Variants in MRPS27 observed in about 807,000 individuals in gnomAD.
The protein encoded by MRPS27 is small ribosomal subunit protein mS27.
MRPS27 carries 43 observed loss-of-function variants against 48.9 expected under a neutral mutation model. That is an observed-to-expected ratio of 0.88 (90% confidence interval 0.69 to 1.13). The LOEUF (loss-of-function observed/expected upper bound fraction) is 1.13, where lower values mean the gene tolerates loss of function less well. MRPS27 is among the 50% of genes most tolerant of loss of function. The pLI is 0.00. For synonymous variants in MRPS27, 188 were observed against 171.9 expected (o/e 1.09, Z -0.73); for missense variants, 467 against 476.3 (o/e 0.98, Z 0.18).
intron 9 of MRPS27, 99 bp downstream of exon 9, chr5:72,225,958 G>C: frequency 1.4e-6 from 2 of 1,387,866 alleles, no homozygotes; most frequent in Non-Finnish European, 9.7e-7. Flanking sequence ...TAGACATATA[G>C]AAAGTAGGGG....
At chr5:72,306,254 C>T (rs2112079074) in intron 2 of MRPS27, among the ~76,000 whole-genome samples, 1 of 152,270 alleles carries the variant, frequency 6.6e-6, no homozygotes, top group East Asian at 1.9e-4. Context: ...AAAATTTAAA[C>T]AGCAATAGTA....
chr5:72,275,913 C>G (rs1749361960), intron 4 of MRPS27, among the ~76,000 whole-genome samples: 1 of 151,540 alleles, frequency 6.6e-6, no homozygotes, highest in Non-Finnish European at 1.5e-5. Flanking sequence ...AGTCCTCTTT[C>G]CAAATAAGGA....
At chr5:72,273,387 C>T (rs981113473) in intron 4 of MRPS27, among the ~76,000 whole-genome samples, 1 of 152,188 alleles carries the variant, frequency 6.6e-6, no homozygotes. Flanking sequence ...CTATAAAGTA[C>T]AGTCATCCAT....
intron 3 of MRPS27, among the ~76,000 whole-genome samples, chr5:72,296,023 C>T (rs556791904): frequency 1.3e-5 from 2 of 152,204 alleles, no homozygotes; most frequent in South Asian, 4.1e-4. Context: ...ACATAAACAT[C>T]TAAATTTAGA....
rs893334675 is a variant in MRPS27 at position 72,306,900 on chromosome 5, A to T, written c.151+7181T>A. On this transcript the variant is annotated intron_variant, in intron 2 of 10. Transcript: ENST00000261413. ...AATTGATAATTGCTGGAGCTGGGTG[A>T]CAGTACACAGGGGTTTATTCTACTC... 9.2e-5 allele frequency among the ~76,000 whole-genome samples: 14 copies of T among 152,320 alleles called. No individual in the cohort carries two copies. The East Asian group carries it at 1.7e-3, about 19-fold the overall frequency.
At chr5:72,291,848 G>A (rs949492095) in intron 4 of MRPS27, among the ~76,000 whole-genome samples, 14 of 152,144 alleles carry the variant, frequency 9.2e-5, no homozygotes, top group African/African-American at 2.2e-4. Context: ...CCCAAGCCAC[G>A]CCCTAGAGGG....
At position 72,226,137 on chromosome 5, in the gene MRPS27, G is replaced by C; in HGVS notation, c.757C>G (p.Pro253Ala). ...VYHNMPLIWK[P>A]GYLDRALQVM... The stretch of plus-strand genomic sequence containing the variant: ...TGAAGGGCTCTGTCAAGGTAGCCTG[G>C]TTTCCATATCAGAGGCATGTTGTGG... The change falls in exon 9 of 11, where the codon CCA (proline) becomes GCA (alanine). Residue 253 changes from proline to alanine, a missense_variant. Pro to Ala is a conservative substitution (Grantham distance 27, BLOSUM62 -1). Coordinates refer to ENST00000261413, the MANE Select transcript of MRPS27 (RefSeq NM_015084.3). 1.9e-6 allele frequency: 3 copies of C among 1,613,822 alleles called. No homozygotes were observed. The highest frequency in any genetic ancestry group is 2.5e-6 in the Non-Finnish European group (3 of 1,179,830).
At chr5:72,286,562 A>T (rs1278279795) in intron 4 of MRPS27, among the ~76,000 whole-genome samples, 2 of 147,544 alleles carry the variant, frequency 1.4e-5, no homozygotes, top group African/African-American at 4.9e-5. Context: ...TCTTTACCTT[A>T]TAACATACAC....
At chr5:72,302,085 A>G (rs2112072787) in intron 2 of MRPS27, among the ~76,000 whole-genome samples, 1 of 152,362 alleles carries the variant, frequency 6.6e-6, no homozygotes, top group Non-Finnish European at 1.5e-5. Flanking sequence ...ATGGATCTGA[A>G]ATTTGAATTC....
intron 4 of MRPS27, among the ~76,000 whole-genome samples, chr5:72,282,066 C>A (rs543542810): frequency 1.4e-3 from 207 of 152,258 alleles, no homozygotes; most frequent in African/African-American, 4.6e-3. Context: ...GAATAGACCT[C>A]AAAATGTAAA....
chr5:72,237,579 A>C (rs141501565), intron 5 of MRPS27, among the ~76,000 whole-genome samples: 1 of 152,246 alleles, frequency 6.6e-6, no homozygotes, highest in African/African-American at 2.4e-5. Flanking sequence ...GTAAGACTCA[A>C]CTCTTGGGTG....
chr5:72,289,697 A>C (rs1451390505), intron 4 of MRPS27, among the ~76,000 whole-genome samples: 1 of 152,154 alleles, frequency 6.6e-6, no homozygotes, highest in Non-Finnish European at 1.5e-5. Context: ...TACAGGCATG[A>C]GCCGCTGTGC....
chr5:72,219,881 A>G lies in MRPS27; in HGVS notation c.*1028T>C, dbSNP rs1218391800. On this transcript the variant is annotated 3_prime_UTR_variant, in exon 11 of 11. Transcript: ENST00000261413. ...TGTTTTGGGAAAAAAAAAATTGGAAAAAAAATGTTACCCCAACACGATGGA... is the reference window on the plus strand; with the variant it reads ...TGTTTTGGGAAAAAAAAAATTGGAAGAAAAATGTTACCCCAACACGATGGA... 6.6e-6 allele frequency: 1 copy of G among 152,608 alleles called. No individual in the cohort carries two copies. The highest frequency in any genetic ancestry group is 1.5e-5 in the Non-Finnish European group (1 of 68,036). The allele number at this position is 152,608 out of a possible 1,614,324, so 9.5% of individuals were successfully genotyped here. A position where few individuals can be genotyped will look rare whatever the true frequency, so the allele number is the denominator to read the frequency against.
Position 72,238,066 on chromosome 5 carries a change from T to C in MRPS27, c.344A>G (p.Gln115Arg), listed in dbSNP as rs140284675. 13 of 1,613,668 alleles carry C rather than the reference T, an allele frequency of 8.1e-6. No homozygotes were observed. The East Asian group carries it at 1.1e-4, about 14-fold the overall frequency. Residue 115 changes from glutamine to arginine, a missense_variant, in exon 5 of 11, where the codon CAG (glutamine) becomes CGG (arginine). Transcript: ENST00000261413. ...GTCTTGTGCATCATATTTTAGACACTGCCTAATCCAGGTGTGGATAGTCCA... is the reference window on the plus strand; with the variant it reads ...GTCTTGTGCATCATATTTTAGACACCGCCTAATCCAGGTGTGGATAGTCCA... The part of the protein sequence containing the change: ...RNWTIHTWIR[Q>R]CLKYDAQDKA...
At chr5:72,249,439 T>C (rs1293997819) in intron 4 of MRPS27, among the ~76,000 whole-genome samples, 3 of 152,230 alleles carry the variant, frequency 2.0e-5, no homozygotes, top group Admixed American at 2.0e-4. Context: ...ATCCTGGCAC[T>C]GTGGGAGGCC....
At chr5:72,308,672 C>T (rs189762012) in intron 2 of MRPS27, among the ~76,000 whole-genome samples, 178 of 152,326 alleles carry the variant, frequency 1.2e-3, no homozygotes, top group Non-Finnish European at 9.6e-4. Context: ...AGTAGCTCAA[C>T]CCAAACGCTC....
At chr5:72,287,334 G>C (rs771348594) in intron 4 of MRPS27, among the ~76,000 whole-genome samples, 1 of 151,976 alleles carries the variant, frequency 6.6e-6, no homozygotes, top group African/African-American at 2.4e-5. Flanking sequence ...TTGATAAATT[G>C]GACTTACATA....
chr5:72,250,199 C>CT (rs932082071), intron 4 of MRPS27, among the ~76,000 whole-genome samples: 1 of 152,120 alleles, frequency 6.6e-6, no homozygotes, highest in Non-Finnish European at 1.5e-5. Flanking sequence ...AATAGTCTGT[C>CT]TTTTTTGTTT....
intron 4 of MRPS27, among the ~76,000 whole-genome samples, chr5:72,258,083 C>CAAA (rs1030737219): frequency 2.4e-4 from 15 of 61,256 alleles, no homozygotes; most frequent in South Asian, 6.1e-4. Flanking sequence ...GACTCTGTCT[C>CAAA]AAAAAAAAAA....
Sources: allele counts gnomAD v4.1 joint callset (sites outside exome capture counted in the v4.1 genomes callset), GRCh38; gene constraint gnomAD v4.1.1; transcripts MANE v1.5; gene names NCBI Gene and HGNC (gene_info 2026-07-23, HGNC 2026-07-21).